Variants in NCOR1 observed in about 807,000 individuals in gnomAD.
NCOR1 encodes the protein protein phosphatase 1, regulatory subunit 109.
In NCOR1, 63 loss-of-function variants were observed where a neutral mutation model predicts 288.1. That is an observed-to-expected ratio of 0.22 (90% CI 0.18 to 0.27). The LOEUF (loss-of-function observed/expected upper bound fraction) is 0.27, where lower values mean the gene tolerates loss of function less well. Among genes scored for constraint, NCOR1 ranks in the 10% least tolerant of loss-of-function variants. The pLI is 1.00. For missense variants in NCOR1, 2,397 were observed against 3,019.2 expected, an observed-to-expected ratio of 0.79 and a Z score of 4.83; for synonymous variants, 1,007 against 1,065.9, an observed-to-expected ratio of 0.94 and a Z score of 1.08.
intron 3 of NCOR1, among the ~76,000 whole-genome samples, chr17:16,182,615 C>T (rs1057499334): frequency 5.9e-5 from 9 of 152,050 alleles, no homozygotes; most frequent in African/African-American, 1.9e-4. Flanking sequence ...CCACCACGCC[C>T]GGCTAATGTT....
chr17:16,113,972 A>G (rs901283226), intron 18 of NCOR1, among the ~76,000 whole-genome samples: 1 of 152,068 alleles, frequency 6.6e-6, no homozygotes, highest in Non-Finnish European at 1.5e-5. Context: ...TCTTTTATCA[A>G]TGCATGATCC....
At chr17:16,069,619 G>A (rs531662619) in intron 31 of NCOR1, among the ~76,000 whole-genome samples, 1 of 152,216 alleles carries the variant, frequency 6.6e-6, no homozygotes, top group South Asian at 2.1e-4. Context: ...CATTTATCGA[G>A]CCCTTCGTAA....
chr17:16,103,929 G>A (rs1568035726), intron 19 of NCOR1, among the ~76,000 whole-genome samples: 5 of 152,230 alleles, frequency 3.3e-5, no homozygotes, highest in Admixed American at 3.3e-4. Context: ...AGAATCGCTT[G>A]AATCCGGGAA....
At chr17:16,039,872 C>A (rs2057228710) in intron 43 of NCOR1, 2 of 486,208 alleles carry the variant, frequency 4.1e-6, no homozygotes, top group East Asian at 7.9e-5. Context: ...CTCACTGCAA[C>A]CTCCGCCTCC....
At chr17:16,034,684 T>TG (rs1259249203) in intron 45 of NCOR1, 81 bp downstream of exon 45, 1 of 1,243,208 alleles carries the variant, frequency 8.0e-7, no homozygotes, top group Non-Finnish European at 1.1e-6. Flanking sequence ...TTAGAAGAGT[T>TG]GCTGAATTTT....
Position 16,062,149 on chromosome 17 carries a change from G to C in NCOR1, c.5343C>G (p.Thr1781=). Residue 1781 remains threonine (T), a synonymous_variant, in exon 36 of 46, where the codon ACC becomes ACG. Transcript: ENST00000268712. ...TTGGATCCAAAGGTGTGATTACACT[G>C]GTTCCATTGGTTCCTTGGAAAACAC... ...RPSVFQGTNG[T]SVITPLDPTA... 1 of 1,613,798 alleles carries C rather than the reference G, an allele frequency of 6.2e-7. No individual in the cohort carries two copies. Among genetic ancestry groups the C allele is most frequent in the Non-Finnish European group, 8.5e-7 (1 of 1,179,958 alleles).
chr17:16,065,081 A>T, intron 33 of NCOR1, 62 bp from the exon 34 acceptor site: 1 of 1,491,492 alleles, frequency 6.7e-7, no homozygotes, highest in East Asian at 2.3e-5. Flanking sequence ...ACCATACATG[A>T]CTTTGGATTT....
intron 23 of NCOR1, chr17:16,083,895 C>T (rs891002146): frequency 6.6e-6 from 1 of 151,296 alleles, no homozygotes; most frequent in Non-Finnish European, 1.5e-5. Flanking sequence ...AAACATGTTT[C>T]AACTCCTGCA....
rs527292504 is a variant in NCOR1, at chr17:16,215,515, C to T, written c.-224G>A. 1.8e-5 allele frequency: 7 copies of T among 398,886 alleles called. No homozygotes were observed. The South Asian group carries it at 7.6e-4, about 43-fold the overall frequency. The allele number at this position is 398,886 out of a possible 1,614,324, so 24.7% of individuals were successfully genotyped here. ...GCCGCCGCGGCTGCTGCTTCGCCAC[C>T]TTGGCCGCCATCTTGACTCAACCCC... On this transcript the variant is annotated 5_prime_UTR_variant, in exon 1 of 46. Coordinates refer to ENST00000268712, the MANE Select transcript of NCOR1 (RefSeq NM_006311.4).
intron 6 of NCOR1, among the ~76,000 whole-genome samples, chr17:16,155,859 ATACTGGGGCAGAAAAAGCCTTGGGGAG>A (rs1364194965): frequency 6.6e-6 from 1 of 152,222 alleles, no homozygotes; most frequent in Non-Finnish European, 1.5e-5. Flanking sequence ...AAAAGGCAGC[ATACTGGGGCAGAAAAAGCCTTGGGGAG>A]TACATATCAG....
At chr17:16,109,009 A>C in intron 18 of NCOR1, 97 bp from the exon 19 acceptor site, 1 of 917,434 alleles carries the variant, frequency 1.1e-6, no homozygotes, top group Non-Finnish European at 1.5e-6. Context: ...ACACACACAC[A>C]CCAGACAAGG....
intron 32 of NCOR1, among the ~76,000 whole-genome samples, chr17:16,066,063 G>A (rs933583820): frequency 3.9e-5 from 6 of 152,214 alleles, no homozygotes; most frequent in East Asian, 1.9e-4. Flanking sequence ...AAATGTATAC[G>A]AAAATACTTT....
At chr17:16,123,328 C>T (rs996429239) in intron 15 of NCOR1, among the ~76,000 whole-genome samples, 1 of 152,116 alleles carries the variant, frequency 6.6e-6, no homozygotes, top group African/African-American at 2.4e-5. Flanking sequence ...AAATGCCTCT[C>T]TCACTAATTT....
intron 44 of NCOR1, among the ~76,000 whole-genome samples, chr17:16,036,999 A>G (rs1161591695): frequency 1.3e-5 from 2 of 152,218 alleles, no homozygotes; most frequent in African/African-American, 4.8e-5. Flanking sequence ...AAGCTTAATC[A>G]TTTCTAACTT....
intron 17 of NCOR1, among the ~76,000 whole-genome samples, chr17:16,118,400 A>T (rs1485547129): frequency 6.6e-6 from 1 of 152,208 alleles, no homozygotes; most frequent in East Asian, 1.9e-4. Context: ...TAAGATAATC[A>T]TATATAAATG....
At chr17:16,164,673 G>A (rs1236507681) in intron 5 of NCOR1, among the ~76,000 whole-genome samples, 2 of 151,922 alleles carry the variant, frequency 1.3e-5, no homozygotes, top group Non-Finnish European at 2.9e-5. Flanking sequence ...TGCCATTCCT[G>A]GGCACATGCC....
chr17:16,083,498 G>A (rs997121453), intron 23 of NCOR1, among the ~76,000 whole-genome samples: 4 of 151,660 alleles, frequency 2.6e-5, no homozygotes, highest in Non-Finnish European at 5.9e-5. Context: ...TAGAAGATTC[G>A]ATGTAAGATT....
At chr17:16,138,296 A>G in intron 12 of NCOR1, 84 bp from the exon 13 acceptor site, 6 of 1,231,364 alleles carry the variant, frequency 4.9e-6, no homozygotes, top group Non-Finnish European at 6.9e-6. Context: ...AAGAAAGACT[A>G]TGTATAGGCT....
rs1972034987 is a variant in NCOR1, at chr17:16,031,725, C to G, written c.*571G>C. ...TGTGTTAAAAATCTAAACATTTTCA[C>G]AAGATTTTAAACATCACTGGAAAGC... On this transcript the variant is annotated 3_prime_UTR_variant, in exon 46 of 46. Transcript: ENST00000268712. 1 of 228,776 alleles carries G rather than the reference C, an allele frequency of 4.4e-6. No homozygotes were observed. The highest frequency in any genetic ancestry group is 2.2e-5 in the African/African-American group (1 of 45,040). 14.2% of individuals were successfully genotyped at this position (228,776 alleles called of 1,614,324 possible). A position where few individuals can be genotyped will look rare whatever the true frequency, so the allele number is the denominator to read the frequency against.
Sources: allele counts gnomAD v4.1 joint callset (sites outside exome capture counted in the v4.1 genomes callset), GRCh38; gene constraint gnomAD v4.1.1; transcripts MANE v1.5; gene names NCBI Gene and HGNC (gene_info 2026-07-23, HGNC 2026-07-21).